Variants in RALGAPA2 observed in about 807,000 individuals in gnomAD.
RALGAPA2 encodes the protein Ral GTPase activating protein catalytic subunit alpha 2.
A neutral mutation model predicts 230.4 loss-of-function variants in RALGAPA2; 139 were observed. The observed-to-expected ratio is 0.60, with a 90% CI of 0.53 to 0.69. The LOEUF (loss-of-function observed/expected upper bound fraction) is 0.69. RALGAPA2 is among the 30% of genes least tolerant of loss of function. The pLI is 0.00. For missense variants in RALGAPA2, 2,163 were observed against 2,276.0 expected (o/e 0.95, Z 1.01); for synonymous variants, 847 against 837.8 (o/e 1.01, Z -0.19).
chr20:20,659,553 G>A (rs76530405), intron 3 of RALGAPA2, among the ~76,000 whole-genome samples: 1,552 of 152,190 alleles, frequency 0.01, 39 homozygotes, highest in African/African-American at 0.036. Context: ...GAAAACAAGG[G>A]TGTGGGGTTC....
chr20:20,536,436 C>T (rs1022608745), intron 25 of RALGAPA2, among the ~76,000 whole-genome samples: 39 of 152,272 alleles, frequency 2.6e-4, no homozygotes, highest in African/African-American at 9.1e-4. Flanking sequence ...ATAAAAAACA[C>T]CTGCTATAGC....
intron 36 of RALGAPA2, among the ~76,000 whole-genome samples, chr20:20,487,981 T>A (rs2123526038): frequency 6.6e-6 from 1 of 152,006 alleles, no homozygotes; most frequent in Middle Eastern, 3.4e-3. Flanking sequence ...GGGTATATAG[T>A]CATACCTAGG....
chr20:20,696,692 T>C (rs2069124934), intron 1 of RALGAPA2, among the ~76,000 whole-genome samples: 1 of 151,754 alleles, frequency 6.6e-6, no homozygotes, highest in Non-Finnish European at 1.5e-5. Flanking sequence ...ACTCAGATCC[T>C]GGTACTTACT....
At chr20:20,519,948 C>T (rs1238215477) in intron 31 of RALGAPA2, among the ~76,000 whole-genome samples, 1 of 152,082 alleles carries the variant, frequency 6.6e-6, no homozygotes, top group Non-Finnish European at 1.5e-5. Flanking sequence ...TCACAGCAGC[C>T]TTGACCTCAC....
chr20:20,591,087 A>T (rs2146099110), intron 17 of RALGAPA2, 90 bp downstream of exon 17: 4 of 1,347,540 alleles, frequency 3.0e-6, no homozygotes, highest in Non-Finnish European at 4.0e-6. Flanking sequence ...AAATATATTC[A>T]GAATATATGT....
At chr20:20,635,207 C>G in intron 9 of RALGAPA2, 1 of 572,462 alleles carries the variant, frequency 1.7e-6, no homozygotes, top group African/African-American at 1.9e-5. Flanking sequence ...ATTGCATCAT[C>G]ATGGCAGTCC....
rs1331803479 is a variant in RALGAPA2 at position 20,391,382 on chromosome 20, C to G, written c.*1907G>C. ...CCCCGTGAGTATCCTGGGCCCTTCC[C>G]AAAACGGCCCAGGGGCCAGAAGCTT... On this transcript the variant is annotated 3_prime_UTR_variant, in exon 40 of 40. Transcript: ENST00000202677. The G allele has an allele frequency of 1.3e-5, 2 of 152,266 alleles. No homozygotes were observed. Among genetic ancestry groups the G allele is most frequent in the Non-Finnish European group, 2.9e-5 (2 of 68,080 alleles). The allele number at this position is 152,266 out of a possible 1,614,324, so 9.4% of individuals were successfully genotyped here. A position where few individuals can be genotyped will look rare whatever the true frequency, so the allele number is the denominator to read the frequency against.
intron 29 of RALGAPA2, 36 bp from the exon 30 acceptor site, chr20:20,524,579 G>A: frequency 1.2e-6 from 2 of 1,612,938 alleles, no homozygotes; most frequent in Non-Finnish European, 1.7e-6. Flanking sequence ...TTATGCTGCA[G>A]TCTCTTAAAC....
chr20:20,595,185 T>G (rs1184060096), intron 16 of RALGAPA2, among the ~76,000 whole-genome samples: 1 of 152,176 alleles, frequency 6.6e-6, no homozygotes, highest in African/African-American at 2.4e-5. Flanking sequence ...TTCACAGCAA[T>G]TTCACTCACT....
chr20:20,462,558 T>C (rs1367210445), intron 37 of RALGAPA2, among the ~76,000 whole-genome samples: 1 of 152,160 alleles, frequency 6.6e-6, no homozygotes, highest in Non-Finnish European at 1.5e-5. Flanking sequence ...AAATTCAAAG[T>C]ACCCCTTTTA....
At chr20:20,552,802 A>G (rs2063966599) in intron 23 of RALGAPA2, among the ~76,000 whole-genome samples, 1 of 152,146 alleles carries the variant, frequency 6.6e-6, no homozygotes, top group Non-Finnish European at 1.5e-5. Flanking sequence ...AGAGACCTCA[A>G]AGCTCCAAGG....
rs1181632283 is a variant in RALGAPA2 at position 20,712,016 on chromosome 20, G to T, written c.106+359C>A. On this transcript the variant is annotated intron_variant, in intron 1 of 39. Transcript: ENST00000202677. This position sits in a 1 kb window ranked among gnomAD's most constrained non-coding sequence, Gnocchi z 5.5. ...AAAAATAAAATTTTAAAAATGAAAG[G>T]GGGAGGTGACAGTTCAATGTGTGCA... is the stretch of plus-strand genomic sequence containing the variant. Among the ~76,000 whole-genome samples the T allele has an allele frequency of 6.6e-6, 1 of 152,090 alleles. No homozygotes were observed. The highest frequency in any genetic ancestry group is 1.5e-5 in the Non-Finnish European group (1 of 68,022).
intron 37 of RALGAPA2, among the ~76,000 whole-genome samples, chr20:20,452,169 A>G (rs527600006): frequency 6.6e-6 from 1 of 152,330 alleles, no homozygotes; most frequent in African/African-American, 2.4e-5. Flanking sequence ...CCATATAGAG[A>G]GGAAATAAAC....
intron 17 of RALGAPA2, among the ~76,000 whole-genome samples, chr20:20,590,831 G>C (rs2065267180): frequency 2.0e-5 from 3 of 151,808 alleles, no homozygotes; most frequent in African/African-American, 7.3e-5. Flanking sequence ...CTGCCTCCCT[G>C]CCTTCCATAA....
At chr20:20,672,308 C>G (rs1016883851) in intron 3 of RALGAPA2, among the ~76,000 whole-genome samples, 7 of 152,048 alleles carry the variant, frequency 4.6e-5, no homozygotes, top group African/African-American at 1.4e-4. Context: ...AAAAAAGAAG[C>G]CACTGTGAAT....
At chr20:20,446,350 T>C (rs1335389717) in intron 37 of RALGAPA2, among the ~76,000 whole-genome samples, 2 of 152,252 alleles carry the variant, frequency 1.3e-5, no homozygotes, top group Admixed American at 1.3e-4. Flanking sequence ...TGCTGGCAGA[T>C]TATCAATCTT....
chr20:20,419,067 G>GA (rs1408536308), intron 37 of RALGAPA2, among the ~76,000 whole-genome samples: 1 of 152,132 alleles, frequency 6.6e-6, no homozygotes, highest in African/African-American at 2.4e-5. Context: ...CAGGTTAAGT[G>GA]AAACATATTG....
rs755737464 is a variant in RALGAPA2 at position 20,505,469 on chromosome 20, A to G, written c.4994T>C (p.Leu1665Pro). ...AEGQEDKCSI[L>P]SNERGSQAYE... The stretch of plus-strand genomic sequence containing the variant: ...TGCTTGGCTTCCTCTTTCATTAGAG[A>G]GGATTGAACACTTGTCTTCTTGACC... The change falls in exon 34 of 40, where the codon CTC (leucine) becomes CCC (proline). Residue 1665 changes from leucine (L) to proline (P), a missense_variant. Leu to Pro is a moderately conservative substitution (Grantham distance 98, BLOSUM62 -3). Coordinates refer to ENST00000202677, the MANE Select transcript of RALGAPA2 (RefSeq NM_020343.4). The G allele has an allele frequency of 6.2e-7, 1 of 1,604,464 alleles. No homozygotes were observed. Among genetic ancestry groups the G allele is most frequent in the East Asian group, 2.2e-5 (1 of 44,670 alleles).
intron 23 of RALGAPA2, among the ~76,000 whole-genome samples, chr20:20,567,776 T>G (rs1473980828): frequency 1.3e-5 from 2 of 151,150 alleles, no homozygotes; most frequent in Non-Finnish European, 2.9e-5. Context: ...GAGGACTGCT[T>G]GAGCCCAGTG....
Sources: allele counts gnomAD v4.1 joint callset (sites outside exome capture counted in the v4.1 genomes callset), GRCh38; gene constraint gnomAD v4.1.1; non-coding constraint Gnocchi (gnomAD v3.1); transcripts MANE v1.5; gene names NCBI Gene and HGNC (gene_info 2026-07-23, HGNC 2026-07-21).